Variants in MDGA1 observed in about 807,000 individuals in gnomAD.
MDGA1 encodes the protein MAM domain containing glycosylphosphatidylinositol anchor 1.
MDGA1 carries 54 observed loss-of-function variants against 101.5 expected under a neutral mutation model. That is an observed-to-expected ratio of 0.53 (90% CI 0.43 to 0.67). The LOEUF (loss-of-function observed/expected upper bound fraction) is 0.67. Among genes scored for constraint, MDGA1 ranks in the 30% least tolerant of loss-of-function variants. MDGA1 has a pLI of 0.00. For synonymous variants in MDGA1, 533 were observed against 558.3 expected (o/e 0.95, Z 0.64); for missense variants, 1,083 against 1,323.8 (o/e 0.82, Z 2.82).
chr6:37,655,278 C>A lies in MDGA1; in HGVS notation c.580-346G>T, dbSNP rs540918099. ...AAACATGGGGCTGGCCTGCAGCCAC[C>A]GCTGAAAGCCCTCCTTGGCAGAATG... On this transcript the variant is annotated intron_variant, in intron 4 of 16. Transcript: ENST00000434837. This position sits in a 1 kb window ranked among gnomAD's most constrained non-coding sequence, Gnocchi z 5.1. 1 of 358,492 alleles carries A rather than the reference C, an allele frequency of 2.8e-6. No individual in the cohort carries two copies. Among genetic ancestry groups the A allele is most frequent in the Non-Finnish European group, 5.1e-6 (1 of 197,236 alleles). 22.2% of individuals were successfully genotyped at this position (358,492 alleles called of 1,614,324 possible). A position where few individuals can be genotyped will look rare whatever the true frequency, so the allele number is the denominator to read the frequency against.
intron 1 of MDGA1, among the ~76,000 whole-genome samples, chr6:37,681,967 AG>A (rs1302059251): frequency 2.0e-5 from 3 of 152,224 alleles, no homozygotes; most frequent in Non-Finnish European, 2.9e-5. Context: ...CTTTGCCAGC[AG>A]GCACAGTAAA....
chr6:37,662,684 T>C (rs1170635096), intron 2 of MDGA1, among the ~76,000 whole-genome samples: 1 of 150,492 alleles, frequency 6.6e-6, no homozygotes, highest in Non-Finnish European at 1.5e-5. Flanking sequence ...ATGTGAGGAA[T>C]GAGAAGATGC....
At chr6:37,658,711 C>T (rs971233044) in intron 2 of MDGA1, among the ~76,000 whole-genome samples, 3 of 152,204 alleles carry the variant, frequency 2.0e-5, no homozygotes, top group Non-Finnish European at 4.4e-5. Flanking sequence ...GTGGCTCACG[C>T]CACTAATCCC....
intron 1 of MDGA1, among the ~76,000 whole-genome samples, chr6:37,683,837 A>C (rs879676503): frequency 5.3e-5 from 8 of 152,218 alleles, no homozygotes; most frequent in Non-Finnish European, 8.8e-5. Flanking sequence ...CCAAATAATT[A>C]CAGCATTCAG....
At chr6:37,645,848 G>T in intron 12 of MDGA1, 85 bp downstream of exon 12, 2 of 1,484,294 alleles carry the variant, frequency 1.3e-6, no homozygotes, top group South Asian at 1.2e-5. Flanking sequence ...ACTATCTCAA[G>T]GATAGCCTAT....
In MDGA1 at chr6:37,667,293, T is replaced by A. The variant is rs544074752; in HGVS notation, c.68-3187A>T. 1.8e-4 allele frequency among the ~76,000 whole-genome samples: 28 copies of A among 152,280 alleles called. No individual in the cohort carries two copies. The South Asian group carries it at 5.0e-3, about 27-fold the overall frequency. On this transcript the variant is annotated intron_variant, in intron 1 of 16. Transcript: ENST00000434837. ...CAGGTGACCATCCTGCCTGCCTGGC[T>A]GCCACAGAGGAATGAACCTGGCTGG...
chr6:37,695,282 C>A (rs1416570720), intron 1 of MDGA1, among the ~76,000 whole-genome samples: 1 of 152,220 alleles, frequency 6.6e-6, no homozygotes, highest in Non-Finnish European at 1.5e-5. Flanking sequence ...GAAAGTGAAA[C>A]CCCAGTCCAC....
chr6:37,665,470 C>A (rs958501211), intron 1 of MDGA1, among the ~76,000 whole-genome samples: 1 of 152,114 alleles, frequency 6.6e-6, no homozygotes, highest in Non-Finnish European at 1.5e-5. Flanking sequence ...TAAGTCACAC[C>A]CCCTGCACTT....
In MDGA1 at chr6:37,637,250, T is replaced by C; in HGVS notation, c.*118A>G. Reference sequence around the variant, plus strand: ...ATCCTTGCAGCCAATGCAGGCCCCCTCCCTGGCGGGCCGGCCCTGCCCCTG... The same window carrying C: ...ATCCTTGCAGCCAATGCAGGCCCCCCCCCTGGCGGGCCGGCCCTGCCCCTG... On this transcript the variant is annotated 3_prime_UTR_variant, in exon 17 of 17. Coordinates refer to ENST00000434837, the MANE Select transcript of MDGA1 (RefSeq NM_153487.4). The C allele has an allele frequency of 1.4e-6, 1 of 737,416 alleles. No individual in the cohort carries two copies. The highest frequency in any genetic ancestry group is 1.7e-5 in the African/African-American group (1 of 57,314). The allele number at this position is 737,416 out of a possible 1,614,324, so 45.7% of individuals were successfully genotyped here.
chr6:37,656,589 T>G lies in MDGA1; in HGVS notation c.383-693A>C, dbSNP rs538588434. Among the ~76,000 whole-genome samples, 304 of 151,694 alleles carry G rather than the reference T, an allele frequency of 2.0e-3. 2 individuals are homozygous for G. Among genetic ancestry groups the G allele is most frequent in the African/African-American group, 6.8e-3 (282 of 41,352 alleles). On this transcript the variant is annotated intron_variant, in intron 3 of 16. Coordinates refer to ENST00000434837, the MANE Select transcript of MDGA1 (RefSeq NM_153487.4). Reference sequence around the variant, plus strand: ...GGTTTCACCATATTGCCCAGACTGTTCTTGAGCTCCTGGGCTCAAGCAATC... The same window carrying G: ...GGTTTCACCATATTGCCCAGACTGTGCTTGAGCTCCTGGGCTCAAGCAATC...
chr6:37,666,398 G>A (rs6909816), intron 1 of MDGA1, among the ~76,000 whole-genome samples: 17,659 of 150,864 alleles, frequency 0.12, 1,445 homozygotes, highest in East Asian at 0.36. Flanking sequence ...AAGAAATAAA[G>A]TTGTCTTCTC....
At chr6:37,649,700 T>C (rs1380187957) in intron 8 of MDGA1, among the ~76,000 whole-genome samples, 5 of 152,086 alleles carry the variant, frequency 3.3e-5, no homozygotes, top group African/African-American at 7.2e-5. Context: ...GGGGGAATAA[T>C]AGAATCTATT....
At chr6:37,683,458 C>T (rs1473604492) in intron 1 of MDGA1, among the ~76,000 whole-genome samples, 1 of 152,218 alleles carries the variant, frequency 6.6e-6, no homozygotes, top group Non-Finnish European at 1.5e-5. Flanking sequence ...CACCTGCACC[C>T]CCTCTCCTAA....
chr6:37,656,976 G>T (rs1380069279), intron 3 of MDGA1, among the ~76,000 whole-genome samples: 1 of 152,030 alleles, frequency 6.6e-6, no homozygotes, highest in Non-Finnish European at 1.5e-5. Flanking sequence ...AGTGTCAAAA[G>T]TCAGAACAAT....
At chr6:37,690,579 C>T (rs542363104) in intron 1 of MDGA1, among the ~76,000 whole-genome samples, 2 of 152,030 alleles carry the variant, frequency 1.3e-5, no homozygotes, top group Non-Finnish European at 2.9e-5. Flanking sequence ...GAGATTGAGA[C>T]CATCCTGGCT....
chr6:37,663,546 C>A (rs1171607552), intron 2 of MDGA1, among the ~76,000 whole-genome samples: 2 of 152,164 alleles, frequency 1.3e-5, no homozygotes. Flanking sequence ...GTCGCAAATT[C>A]CTCAGCTGCA....
chr6:37,696,875 C>G lies in MDGA1; in HGVS notation c.-64G>C, dbSNP rs964115090. 4.2e-6 allele frequency: 6 copies of G among 1,424,860 alleles called. No homozygotes were observed. The highest frequency in any genetic ancestry group is 5.8e-6 in the Non-Finnish European group (6 of 1,033,812). The allele number at this position is 1,424,860 out of a possible 1,614,324, so 88.3% of individuals were successfully genotyped here. A position where few individuals can be genotyped will look rare whatever the true frequency, so the allele number is the denominator to read the frequency against. On this transcript the variant is annotated 5_prime_UTR_variant, in exon 1 of 17. Transcript: ENST00000434837. The surrounding 1 kb of genome is among the most constrained non-coding windows in gnomAD (Gnocchi z 5.6). ...CCCGAGAGGCGGCGGGGGGCGCATT[C>G]GCCGGGGCCCCGCGACGCCCCTATG...
At chr6:37,640,087 G>T (rs1581840542) in intron 14 of MDGA1, among the ~76,000 whole-genome samples, 1 of 152,194 alleles carries the variant, frequency 6.6e-6, no homozygotes, top group African/African-American at 2.4e-5. Context: ...GGAGCTGTAC[G>T]TTAAGGACTC....
At chr6:37,639,714 T>C (rs1038604852) in intron 14 of MDGA1, 5 of 152,228 alleles carry the variant, frequency 3.3e-5, no homozygotes, top group African/African-American at 1.2e-4. Flanking sequence ...TTTTCTGCAT[T>C]ATTTTCTTTA....
Sources: gnomAD v4.1 joint callset for allele counts (sites outside exome capture counted in the v4.1 genomes callset) on GRCh38, gnomAD v4.1.1 for gene constraint, Gnocchi (gnomAD v3.1) non-coding constraint, MANE v1.5 for transcripts, NCBI Gene and HGNC (gene_info 2026-07-23, HGNC 2026-07-21) for gene names.